Variants in ERBB4 observed in about 807,000 individuals in gnomAD.
The protein encoded by ERBB4 is receptor tyrosine-protein kinase erbB-4.
In ERBB4, 42 loss-of-function variants were observed where a neutral mutation model predicts 158.0. That is an observed-to-expected ratio of 0.27 (90% CI 0.21 to 0.34). The LOEUF is 0.34. Ranked by LOEUF, ERBB4 falls within the 10% of genes least tolerant of loss-of-function variation. The pLI is 1.00. For synonymous variants in ERBB4, 583 were observed against 558.7 expected (o/e 1.04, Z -0.61); for missense variants, 1,333 against 1,624.1 (o/e 0.82, Z 3.08).
chr2:211,854,858 T>A (rs2077812740), intron 3 of ERBB4, among the ~76,000 whole-genome samples: 1 of 152,154 alleles, frequency 6.6e-6, no homozygotes, highest in Admixed American at 6.5e-5. Flanking sequence ...AAATTTCTTT[T>A]GAATATAAAC....
chr2:212,256,024 G>GT (rs1431578948), intron 1 of ERBB4, among the ~76,000 whole-genome samples: 2 of 150,468 alleles, frequency 1.3e-5, no homozygotes, highest in East Asian at 2.0e-4. Context: ...AAATGGGGGG[G>GT]GGTCTCACTC....
chr2:211,465,673 T>A (rs56019810), intron 20 of ERBB4, among the ~76,000 whole-genome samples: 3,267 of 152,250 alleles, frequency 0.021, 48 homozygotes, highest in Middle Eastern at 0.048. Flanking sequence ...AAAATCTATC[T>A]TGAACAAATG....
chr2:211,484,960 A>T (rs2125556558), intron 20 of ERBB4, among the ~76,000 whole-genome samples: 1 of 152,344 alleles, frequency 6.6e-6, no homozygotes, highest in East Asian at 1.9e-4. Context: ...TGATAAAATC[A>T]GAGTTCTCAC....
intron 1 of ERBB4, among the ~76,000 whole-genome samples, chr2:212,533,192 T>C (rs1424593037): frequency 2.0e-5 from 3 of 152,240 alleles, no homozygotes; most frequent in African/African-American, 7.2e-5. Context: ...ACAGGTACTC[T>C]TTTGATAGAG....
At chr2:212,502,205 TTC>T (rs1220181450) in intron 1 of ERBB4, among the ~76,000 whole-genome samples, 4 of 152,074 alleles carry the variant, frequency 2.6e-5, no homozygotes, top group Non-Finnish European at 4.4e-5. Context: ...CATAAAATAA[TTC>T]TCTTTTTTAA....
chr2:211,793,199 T>C (rs989657253), intron 3 of ERBB4, among the ~76,000 whole-genome samples: 5 of 151,892 alleles, frequency 3.3e-5, no homozygotes, highest in Non-Finnish European at 7.4e-5. Flanking sequence ...AGTTACACTA[T>C]ATTTCACTTT....
At chr2:211,980,031 C>T (rs1298292497) in intron 2 of ERBB4, among the ~76,000 whole-genome samples, 1 of 152,108 alleles carries the variant, frequency 6.6e-6, no homozygotes, top group African/African-American at 2.4e-5. Flanking sequence ...CTCAACGTGA[C>T]ATTTAATCGC....
rs561933273 is a variant in ERBB4 at position 212,139,942 on chromosome 2, T to C, written c.83-15039A>G. Among the ~76,000 whole-genome samples, 16 of 152,036 alleles carry C rather than the reference T, an allele frequency of 1.1e-4. No individual in the cohort carries two copies. In the East Asian group the frequency reaches 1.7e-3, roughly 16 times the overall value. On this transcript the variant is annotated intron_variant, in intron 1 of 27. Transcript: ENST00000342788. ...ATATAAATAAGTATCTTTTTTATTA[T>C]AGAATTCAAGTTTCTACTGATATTA...
intron 2 of ERBB4, among the ~76,000 whole-genome samples, chr2:211,980,384 TA>T (rs1182706335): frequency 2.0e-5 from 3 of 152,154 alleles, no homozygotes; most frequent in African/African-American, 4.8e-5. Flanking sequence ...CATAAATGGT[TA>T]AAAAATTTTT....
chr2:211,922,495 T>C (rs943596713), intron 3 of ERBB4, among the ~76,000 whole-genome samples: 1 of 152,134 alleles, frequency 6.6e-6, no homozygotes, highest in African/African-American at 2.4e-5. Flanking sequence ...AAATGGATGG[T>C]GTCTTAGACA....
chr2:211,496,579 C>A (rs1340759652), intron 20 of ERBB4, among the ~76,000 whole-genome samples: 1 of 151,926 alleles, frequency 6.6e-6, no homozygotes, highest in Non-Finnish European at 1.5e-5. Flanking sequence ...TCTTAAGCAC[C>A]CATAATACTA....
rs183066840 is a variant in ERBB4 at position 212,063,397 on chromosome 2, C to T, written c.234+61355G>A. Among the ~76,000 whole-genome samples the T allele has an allele frequency of 3.8e-3, 584 of 152,126 alleles. 6 individuals carry two copies. The highest frequency in any genetic ancestry group is 0.017 in the Middle Eastern group (5 of 292). On this transcript the variant is annotated intron_variant, in intron 2 of 27. Transcript: ENST00000342788. ...ATGTTATCTTAAATAGTTTGAAGGA[C>T]ATACAGATATTTAATAAATAATCTG...
At chr2:211,648,319 T>A (rs1314220139) in intron 16 of ERBB4, among the ~76,000 whole-genome samples, 1 of 151,780 alleles carries the variant, frequency 6.6e-6, no homozygotes, top group African/African-American at 2.4e-5. Flanking sequence ...TATCACATAC[T>A]CATTTATAAT....
intron 2 of ERBB4, among the ~76,000 whole-genome samples, chr2:212,082,443 A>T (rs1427543382): frequency 6.6e-6 from 1 of 152,100 alleles, no homozygotes; most frequent in East Asian, 1.9e-4. Flanking sequence ...GGAAATAAAG[A>T]TGACTATAAA....
At chr2:212,495,918 C>A (rs973114919) in intron 1 of ERBB4, among the ~76,000 whole-genome samples, 4 of 152,094 alleles carry the variant, frequency 2.6e-5, no homozygotes, top group Non-Finnish European at 5.9e-5. Context: ...TTCTCCCTCA[C>A]AAAAATAACA....
intron 20 of ERBB4, among the ~76,000 whole-genome samples, chr2:211,529,595 T>G (rs1462742900): frequency 6.6e-6 from 1 of 152,044 alleles, no homozygotes; most frequent in Non-Finnish European, 1.5e-5. Flanking sequence ...GCAAAAATTT[T>G]TAACAAAATA....
rs567729407 is a variant in ERBB4, at chr2:212,001,760, T to C, written c.235-54144A>G. Among the ~76,000 whole-genome samples the C allele has an allele frequency of 2.0e-5, 3 of 152,300 alleles. 1 individual carries two copies. The highest frequency in any genetic ancestry group is 7.2e-5 in the African/African-American group (3 of 41,580). ...TGAAATAGCATCTCTTTTCTTGATA[T>C]GAAGGAAACATTATGAGGCATTTAA... On this transcript the variant is annotated intron_variant, in intron 2 of 27. Coordinates refer to ENST00000342788, the MANE Select transcript of ERBB4 (RefSeq NM_005235.3).
At chr2:211,452,745 C>A (rs145990091) in intron 20 of ERBB4, among the ~76,000 whole-genome samples, 2 of 151,928 alleles carry the variant, frequency 1.3e-5, no homozygotes, top group African/African-American at 2.4e-5. Context: ...TAGTATAGAA[C>A]CTTAATTACA....
chr2:211,808,595 T>G (rs758904253), intron 3 of ERBB4, among the ~76,000 whole-genome samples: 15 of 152,218 alleles, frequency 9.9e-5, no homozygotes, highest in Non-Finnish European at 1.9e-4. Flanking sequence ...TGCTTAGGAT[T>G]GTCTTGGCAA....
Sources: gnomAD v4.1 joint callset for allele counts (sites outside exome capture counted in the v4.1 genomes callset) on GRCh38, gnomAD v4.1.1 for gene constraint, MANE v1.5 for transcripts, NCBI Gene and HGNC (gene_info 2026-07-23, HGNC 2026-07-21) for gene names.